CDC37: variants seen among roughly 807,000 people sequenced by gnomAD.
The protein encoded by CDC37 is hsp90 co-chaperone Cdc37.
A neutral mutation model predicts 46.9 loss-of-function variants in CDC37; 9 were observed. The ratio of observed to expected loss-of-function variants is 0.19; its 90% confidence interval spans 0.12 to 0.33. The LOEUF (loss-of-function observed/expected upper bound fraction) is 0.33. Among genes scored for constraint, CDC37 ranks in the 10% least tolerant of loss-of-function variants. CDC37 has a pLI of 1.00. For missense variants in CDC37, 388 were observed against 514.6 expected (o/e 0.75, Z 2.38); for synonymous variants, 193 against 191.0 (o/e 1.01, Z -0.09).
chr19:10,395,149 A>C lies in CDC37; in HGVS notation c.604-6T>G, dbSNP rs769489821. ...TGCTCCATGAGTGCACATTTCTGCC[A>C]GGAAGAACAGGCACAGCGTCACCAA... On this transcript the variant is annotated splice_region_variant and splice_polypyrimidine_tract_variant and intron_variant, in intron 4 of 7. Transcript: ENST00000222005. The C allele has an allele frequency of 1.2e-6, 2 of 1,603,688 alleles. No homozygotes were observed. Among genetic ancestry groups the C allele is most frequent in the East Asian group, 4.5e-5 (2 of 44,628 alleles).
chr19:10,395,181 G>A, intron 4 of CDC37, 38 bp from the exon 5 acceptor site: 1 of 1,611,240 alleles, frequency 6.2e-7, no homozygotes, highest in Non-Finnish European at 8.5e-7. Flanking sequence ...CCAAGTGGCG[G>A]CCTCATGGCA....
In CDC37 at chr19:10,401,425, G is replaced by C. The variant is rs1339491894; in HGVS notation, c.102+1953C>G. 2.6e-5 allele frequency among the ~76,000 whole-genome samples: 4 copies of C among 152,142 alleles called. No homozygotes were observed. In the East Asian group the frequency reaches 5.8e-4, roughly 22 times the overall value. ...GTGCCAGAGGGAGGAGGGTGTGGCA[G>C]GTACACTACGCTGCAGGAGGGGGGC... On this transcript the variant is annotated intron_variant, in intron 1 of 7. Transcript: ENST00000222005.
chr19:10,395,123 C>T lies in CDC37; in HGVS notation c.624G>A (p.Gln208=). Residue 208 remains glutamine (Q), a synonymous_variant, in exon 5 of 8, where the codon CAG becomes CAA. Coordinates refer to ENST00000222005, the MANE Select transcript of CDC37 (RefSeq NM_007065.4). Reference sequence around the variant, plus strand: ...GCATGACGATTGTCTGGTGGGCCACCTGCTCCATGAGTGCACATTTCTGCC... The same window carrying T: ...GCATGACGATTGTCTGGTGGGCCACTTGCTCCATGAGTGCACATTTCTGCC... ...EVEEKCALME[Q]VAHQTIVMQF... The T allele has an allele frequency of 6.3e-7, 1 of 1,587,824 alleles. No homozygotes were observed. The highest frequency in any genetic ancestry group is 2.2e-5 in the East Asian group (1 of 44,460).
chr19:10,394,195 C>T (rs563010960), intron 5 of CDC37, among the ~76,000 whole-genome samples: 1 of 152,144 alleles, frequency 6.6e-6, no homozygotes, highest in Non-Finnish European at 1.5e-5. Flanking sequence ...ACCCGGGAGG[C>T]AGGGGTTGCA....
In CDC37 at chr19:10,391,757, C is replaced by T. The variant is rs774036775; in HGVS notation, c.982-51G>A. 8.9e-6 allele frequency: 14 copies of T among 1,564,906 alleles called. No homozygotes were observed. In the South Asian group the frequency reaches 1.0e-4, roughly 11 times the overall value. Reference sequence around the variant, plus strand: ...GGTGGGGCCGCCAGCCGGTGGTCCCCGTTGTCCCCGTTGTCCCTTGCACAT... The same window carrying T: ...GGTGGGGCCGCCAGCCGGTGGTCCCTGTTGTCCCCGTTGTCCCTTGCACAT... On this transcript the variant is annotated intron_variant, in intron 7 of 7. Coordinates refer to ENST00000222005, the MANE Select transcript of CDC37 (RefSeq NM_007065.4).
intron 2 of CDC37, 104 bp downstream of exon 2, chr19:10,395,824 C>A: frequency 9.4e-7 from 1 of 1,060,328 alleles, no homozygotes; most frequent in Non-Finnish European, 1.3e-6. Context: ...TCTTCAACTA[C>A]ACCACCGGGG....
In CDC37 at chr19:10,396,085, G is replaced by C. The variant is rs1159792472; in HGVS notation, c.221C>G (p.Ala74Gly). 6.2e-7 allele frequency: 1 copy of C among 1,613,884 alleles called. No individual in the cohort carries two copies. Among genetic ancestry groups the C allele is most frequent in the African/African-American group, 1.3e-5 (1 of 74,886 alleles). Residue 74 changes from alanine to glycine, a missense_variant, in exon 2 of 8, where the codon GCC becomes GGC. Coordinates refer to ENST00000222005, the MANE Select transcript of CDC37 (RefSeq NM_007065.4). The surrounding 1 kb of genome is among the most constrained non-coding windows in gnomAD (Gnocchi z 5.9). ...CTCCAGCTCTGCCTTGCCGCCCTCG[G>C]CCACCTCCAGCTCCTTCAGTTTCCT... ...CQRKLKELEV[A>G]EGGKAELERL...
At position 10,393,345 on chromosome 19, in the gene CDC37, T is replaced by C. The variant is rs1284471072; in HGVS notation, c.823A>G (p.Met275Val). 3.7e-6 allele frequency: 6 copies of C among 1,613,976 alleles called. No individual in the cohort carries two copies. Among genetic ancestry groups the C allele is most frequent in the African/African-American group, 1.3e-5 (1 of 74,906 alleles). Reference sequence around the variant, plus strand: ...CGCTCCTCCTCCTCGTACTCCTTCATGGCCTTCTCGATGCGCAGCTTGGCA... The same window carrying C: ...CGCTCCTCCTCCTCGTACTCCTTCACGGCCTTCTCGATGCGCAGCTTGGCA... The part of the protein sequence containing the change: ...GRAKLRIEKA[M>V]KEYEEEERKK... Residue 275 changes from methionine to valine, a missense_variant, in exon 6 of 8, where the codon ATG becomes GTG. Physicochemically the swap from Met to Val is conservative, Grantham distance 21. Transcript: ENST00000222005. The surrounding 1 kb of genome is among the most constrained non-coding windows in gnomAD (Gnocchi z 4.9).
rs953954831 is a variant in CDC37 at position 10,400,932 on chromosome 19, C to T, written c.102+2446G>A. Among the ~76,000 whole-genome samples, 3 of 152,038 alleles carry T rather than the reference C, an allele frequency of 2.0e-5. No homozygotes were observed. The South Asian group carries it at 6.2e-4, about 31-fold the overall frequency. On this transcript the variant is annotated intron_variant, in intron 1 of 7. Transcript: ENST00000222005. Reference sequence around the variant, plus strand: ...ACAAATATTAAATGAATAAGGTAAGCCTTACAACAACCTTATGGGGTGGAC... The same window carrying T: ...ACAAATATTAAATGAATAAGGTAAGTCTTACAACAACCTTATGGGGTGGAC...
At chr19:10,397,415 CTTTTTTT>C (rs933052804) in intron 1 of CDC37, among the ~76,000 whole-genome samples, 31 of 86,832 alleles carry the variant, frequency 3.6e-4, no homozygotes, top group African/African-American at 1.6e-3. Flanking sequence ...CCAAGCCTGG[CTTTTTTT>C]TTTTTTTTTT....
intron 1 of CDC37, among the ~76,000 whole-genome samples, chr19:10,402,309 C>A (rs1392675787): frequency 1.3e-5 from 2 of 152,056 alleles, no homozygotes; most frequent in Admixed American, 6.6e-5. Flanking sequence ...ATGGATCACC[C>A]AGGCTTGGGA....
In CDC37 at chr19:10,395,449, T is replaced by A. The variant is rs145359780; in HGVS notation, c.473A>T (p.Gln158Leu). ...HKTFVEKYEK[Q>L]IKHFGMLRRW... is the part of the protein sequence containing the mutation. ...GCCCCACTCACCAAAGTGCTTGATC[T>A]GTTTCTCGTATTTTTCCACGAAGGT... Residue 158 changes from glutamine to leucine, a missense_variant, in exon 3 of 8, where the codon CAG (glutamine) becomes CTG (leucine). Gln to Leu is a moderately radical substitution (Grantham distance 113, BLOSUM62 -2). Around this residue, in one of 2 missense-constraint regions of CDC37, gnomAD observed 374 missense variants for 467.4 expected, o/e 0.80. Coordinates refer to ENST00000222005, the MANE Select transcript of CDC37 (RefSeq NM_007065.4). 41 of 1,613,810 alleles carry A rather than the reference T, an allele frequency of 2.5e-5. No individual in the cohort carries two copies. The highest frequency in any genetic ancestry group is 3.4e-5 in the Non-Finnish European group (40 of 1,179,766).
chr19:10,401,911 T>C (rs564444634), intron 1 of CDC37, among the ~76,000 whole-genome samples: 4 of 152,110 alleles, frequency 2.6e-5, no homozygotes, highest in African/African-American at 9.6e-5. Flanking sequence ...TCCCAGCACT[T>C]TGGGAGGCCG....
chr19:10,392,513 A>G (rs761696311), intron 7 of CDC37, among the ~76,000 whole-genome samples: 1 of 152,152 alleles, frequency 6.6e-6, no homozygotes, highest in African/African-American at 2.4e-5. Flanking sequence ...CTTAGATTCA[A>G]CGTCTATTAC....
chr19:10,396,889 A>C lies in CDC37; in HGVS notation c.103-686T>G, dbSNP rs539264610. Among the ~76,000 whole-genome samples the C allele has an allele frequency of 6.6e-6, 1 of 151,884 alleles. No individual in the cohort carries two copies. The highest frequency in any genetic ancestry group is 1.9e-4 in the East Asian group (1 of 5,152). On this transcript the variant is annotated intron_variant, in intron 1 of 7. Coordinates refer to ENST00000222005, the MANE Select transcript of CDC37 (RefSeq NM_007065.4). This position sits in a 1 kb window ranked among gnomAD's most constrained non-coding sequence, Gnocchi z 5.9. ...TCTGCGGAGCCCACTTTTTTCTTGA[A>C]CCTCAAGGCCTTCGCACTGGCTGTT...
intron 1 of CDC37, among the ~76,000 whole-genome samples, chr19:10,399,003 G>C (rs73923213): frequency 6.6e-6 from 1 of 152,052 alleles, no homozygotes; most frequent in Non-Finnish European, 1.5e-5. Context: ...TACCATCTCC[G>C]TCCTTGTCAC....
At position 10,395,297 on chromosome 19, in the gene CDC37, G is replaced by A; in HGVS notation, c.534C>T (p.Asn178=). 1.2e-6 allele frequency: 2 copies of A among 1,614,166 alleles called. No homozygotes were observed. The highest frequency in any genetic ancestry group is 1.7e-6 in the Non-Finnish European group (2 of 1,180,022). ...WDDSQKYLSD[N]VHLVCEETAN... ...CTGTCTCCTCGCACACCAGGTGGAC[G>A]TTGTCTGACAGGTACTTTTGGCTGT... The change falls in exon 4 of 8, where the codon AAC becomes AAT. Residue 178 remains asparagine, a synonymous_variant. Coordinates refer to ENST00000222005, the MANE Select transcript of CDC37 (RefSeq NM_007065.4).
intron 5 of CDC37, among the ~76,000 whole-genome samples, chr19:10,394,026 G>A (rs2042473921): frequency 6.6e-6 from 1 of 152,122 alleles, no homozygotes; most frequent in Non-Finnish European, 1.5e-5. Flanking sequence ...GGAGGCGGAG[G>A]TTGCAGTGAG....
At position 10,403,368 on chromosome 19, in the gene CDC37, CG is replaced by C; in HGVS notation, c.102+9del. 1 of 1,606,974 alleles carries C rather than the reference CG, an allele frequency of 6.2e-7. No individual in the cohort carries two copies. The highest frequency in any genetic ancestry group is 8.5e-7 in the Non-Finnish European group (1 of 1,176,830). ...GGGAGTGGGGAAAGGGATGGGCGCG[CG>C]CGCCTTACCTGATGCCGCCAGCGGA... On this transcript the variant is annotated intron_variant, in intron 1 of 7. Transcript: ENST00000222005.
Sources: gnomAD v4.1 joint callset for allele counts (sites outside exome capture counted in the v4.1 genomes callset) on GRCh38, gnomAD v4.1.1 for gene constraint, gnomAD v4.1.1 regional missense constraint, Gnocchi (gnomAD v3.1) non-coding constraint, MANE v1.5 for transcripts, NCBI Gene and HGNC (gene_info 2026-07-23, HGNC 2026-07-21) for gene names.